Variants in TBCK observed in about 807,000 individuals in gnomAD.
The protein encoded by TBCK is TBC domain-containing protein kinase-like protein.
Under a neutral mutation model 113.4 loss-of-function variants are expected in TBCK, and 99 were observed. The ratio of observed to expected loss-of-function variants is 0.87; its 90% confidence interval spans 0.74 to 1.03. TBCK has a LOEUF of 1.03. TBCK is among the 50% of genes least tolerant of loss of function. The pLI is 0.00. For missense variants in TBCK, 1,045 were observed against 1,061.3 expected (o/e 0.98, Z 0.21); for synonymous variants, 369 against 370.8 (o/e 1.00, Z 0.05).
intron 3 of TBCK, among the ~76,000 whole-genome samples, chr4:106,269,287 C>G (rs954937864): frequency 6.6e-6 from 1 of 152,082 alleles, no homozygotes; most frequent in Admixed American, 6.6e-5. Flanking sequence ...TCCTTTATAA[C>G]TTGAACACAA....
chr4:106,114,151 T>C (rs1743212818), intron 24 of TBCK, among the ~76,000 whole-genome samples: 1 of 152,138 alleles, frequency 6.6e-6, no homozygotes, highest in Non-Finnish European at 1.5e-5. Context: ...TACTCTTCAA[T>C]CAACAAAACC....
At chr4:106,236,542 T>TAAAA in intron 13 of TBCK, 23 bp from the exon 14 acceptor site, 1 of 1,219,430 alleles carries the variant, frequency 8.2e-7, no homozygotes, top group Non-Finnish European at 1.1e-6. Context: ...ACAAAAGCAA[T>TAAAA]AAAAAAAAAA....
Position 106,287,734 on chromosome 4 carries a change from A to G in TBCK, c.266+7360T>C, listed in dbSNP as rs1406549890. On this transcript the variant is annotated intron_variant, in intron 3 of 25. Coordinates refer to ENST00000394708, the MANE Select transcript of TBCK (RefSeq NM_001163435.3). ...AGAATTAAGCCTCTTGTCAACAACT[A>G]GCACCTTCTTTATAAGTAAACCATC... is the stretch of plus-strand genomic sequence containing the variant. Among the ~76,000 whole-genome samples, 6 of 152,206 alleles carry G rather than the reference A, an allele frequency of 3.9e-5. No individual in the cohort carries two copies. In the East Asian group the frequency reaches 1.2e-3, roughly 29 times the overall value.
At chr4:106,062,836 C>G (rs977320116) in intron 25 of TBCK, among the ~76,000 whole-genome samples, 1 of 151,824 alleles carries the variant, frequency 6.6e-6, no homozygotes, top group Non-Finnish European at 1.5e-5. Flanking sequence ...AAAAAGCTTG[C>G]TCTCTCTTTT....
At chr4:106,289,084 T>C (rs1449973042) in intron 3 of TBCK, among the ~76,000 whole-genome samples, 1 of 152,222 alleles carries the variant, frequency 6.6e-6, no homozygotes, top group African/African-American at 2.4e-5. Flanking sequence ...ATCTGTACCA[T>C]GTTTATGCAT....
chr4:106,221,525 A>AT (rs1757678198), intron 19 of TBCK, among the ~76,000 whole-genome samples: 1 of 152,194 alleles, frequency 6.6e-6, no homozygotes. Flanking sequence ...AAGGGAGCAC[A>AT]TGTGACAGCT....
intron 20 of TBCK, among the ~76,000 whole-genome samples, chr4:106,203,083 C>A (rs959467580): frequency 6.6e-6 from 1 of 151,632 alleles, no homozygotes; most frequent in Non-Finnish European, 1.5e-5. Flanking sequence ...GTTCTTCAAC[C>A]AAGTTATGAG....
chr4:106,298,937 G>C (rs184674854), intron 2 of TBCK, among the ~76,000 whole-genome samples: 3 of 152,248 alleles, frequency 2.0e-5, no homozygotes, highest in Non-Finnish European at 2.9e-5. Context: ...ATCCACTGGG[G>C]GTGCTGGGGG....
intron 23 of TBCK, among the ~76,000 whole-genome samples, chr4:106,119,993 C>T (rs1371231657): frequency 6.6e-6 from 1 of 152,152 alleles, no homozygotes; most frequent in Non-Finnish European, 1.5e-5. Context: ...CAGCTCGGGT[C>T]TACAGCTCCC....
At chr4:106,253,293 A>G (rs1359401029) in intron 5 of TBCK, among the ~76,000 whole-genome samples, 1 of 152,190 alleles carries the variant, frequency 6.6e-6, no homozygotes, top group Non-Finnish European at 1.5e-5. Context: ...TTGTTGGATG[A>G]AGCTATATCC....
intron 25 of TBCK, among the ~76,000 whole-genome samples, chr4:106,077,968 A>G (rs1738407254): frequency 6.6e-6 from 1 of 152,222 alleles, no homozygotes; most frequent in Admixed American, 6.5e-5. Flanking sequence ...AGACCACAGC[A>G]TAGTAAAAAC....
Position 106,208,868 on chromosome 4 carries a change from C to T in TBCK, c.1860+3882G>A, listed in dbSNP as rs1315269345. 2.6e-5 allele frequency among the ~76,000 whole-genome samples: 4 copies of T among 152,316 alleles called. No homozygotes were observed. In the East Asian group the frequency reaches 7.7e-4, roughly 29 times the overall value. On this transcript the variant is annotated intron_variant, in intron 20 of 25. Coordinates refer to ENST00000394708, the MANE Select transcript of TBCK (RefSeq NM_001163435.3). ...TGGGGCTTTGGGGTCACATGCCCAC[C>T]TCTGTTCAAGTGTCACAGCATTCCC...
chr4:106,231,690 A>C, intron 18 of TBCK, 39 bp downstream of exon 18: 3 of 1,544,328 alleles, frequency 1.9e-6, no homozygotes, highest in Non-Finnish European at 2.7e-6. Flanking sequence ...ATTTTAGAAT[A>C]TTATGCGCAA....
intron 23 of TBCK, among the ~76,000 whole-genome samples, chr4:106,136,388 G>C (rs1746559911): frequency 7.1e-6 from 1 of 141,320 alleles, no homozygotes; most frequent in Non-Finnish European, 1.6e-5. Flanking sequence ...AGGAGGAGTA[G>C]TTCATTTGGC....
chr4:106,056,553 T>C (rs1735426040), intron 25 of TBCK, among the ~76,000 whole-genome samples: 2 of 147,896 alleles, frequency 1.4e-5, no homozygotes, highest in Non-Finnish European at 3.0e-5. Context: ...AGGACTTGTC[T>C]TGTATCCATT....
intron 19 of TBCK, among the ~76,000 whole-genome samples, chr4:106,227,442 T>C (rs1330397438): frequency 1.3e-5 from 2 of 151,892 alleles, no homozygotes; most frequent in African/African-American, 4.8e-5. Flanking sequence ...TACATTTTCC[T>C]TTCTGCTTCC....
At chr4:106,084,270 C>T (rs1046488408) in intron 25 of TBCK, among the ~76,000 whole-genome samples, 2 of 152,114 alleles carry the variant, frequency 1.3e-5, no homozygotes, top group African/African-American at 4.8e-5. Context: ...GAAAACACAG[C>T]ATGAGAACTT....
intron 23 of TBCK, among the ~76,000 whole-genome samples, chr4:106,138,802 C>T (rs1033949938): frequency 6.4e-5 from 9 of 141,196 alleles, no homozygotes; most frequent in Non-Finnish European, 9.7e-5. Context: ...AGCAGCCCTA[C>T]TTAGCTGGAT....
chr4:106,152,820 A>G (rs1049703372), intron 23 of TBCK, among the ~76,000 whole-genome samples: 2 of 152,156 alleles, frequency 1.3e-5, no homozygotes, highest in South Asian at 4.1e-4. Flanking sequence ...GGTTGTATGT[A>G]TCTAGGCATT....
Sources: allele counts gnomAD v4.1 joint callset (sites outside exome capture counted in the v4.1 genomes callset), GRCh38; gene constraint gnomAD v4.1.1; transcripts MANE v1.5; gene names NCBI Gene and HGNC (gene_info 2026-07-23, HGNC 2026-07-21).